The following GKAP1 variants were observed in gnomAD, a reference collection of about 807,000 sequenced individuals.
The protein encoded by GKAP1 is G kinase anchoring protein 1, also known as G kinase-anchoring protein 1.
In GKAP1, 31 loss-of-function variants were observed where a neutral mutation model predicts 56.7. The observed-to-expected ratio is 0.55, with a 90% CI of 0.41 to 0.74. The LOEUF (loss-of-function observed/expected upper bound fraction) is 0.74. Among genes scored for constraint, GKAP1 ranks in the 30% least tolerant of loss-of-function variants. The pLI, the probability that GKAP1 is intolerant of heterozygous loss-of-function variation, is 0.00. For synonymous variants in GKAP1, 151 were observed against 138.6 expected (o/e 1.09, Z -0.63); for missense variants, 364 against 402.3 (o/e 0.90, Z 0.82).
At position 83,801,676 on chromosome 9, in the gene GKAP1, G is replaced by A. The variant is rs561180157; in HGVS notation, c.217-2348C>T. On this transcript the variant is annotated intron_variant, in intron 3 of 12. Coordinates refer to ENST00000376371, the MANE Select transcript of GKAP1 (RefSeq NM_025211.4). Reference sequence around the variant, plus strand: ...AAGGCTTATAGAACTGCAAATGGCTGAAGTGGAAAGGGTGGATCCTTCACA... The same window carrying A: ...AAGGCTTATAGAACTGCAAATGGCTAAAGTGGAAAGGGTGGATCCTTCACA... 5.9e-5 allele frequency among the ~76,000 whole-genome samples: 9 copies of A among 152,300 alleles called. No homozygotes were observed. The South Asian group carries it at 1.9e-3, about 32-fold the overall frequency.
At chr9:83,780,261 A>T (rs951525185) in intron 7 of GKAP1, 121 bp downstream of exon 7, 1 of 616,034 alleles carries the variant, frequency 1.6e-6, no homozygotes, top group South Asian at 2.2e-5. Context: ...GGTTCACTCA[A>T]GACAAACCTA....
At chr9:83,779,533 G>T (rs1943928695) in intron 7 of GKAP1, among the ~76,000 whole-genome samples, 1 of 111,946 alleles carries the variant, frequency 8.9e-6, no homozygotes, top group Non-Finnish European at 1.8e-5. Flanking sequence ...ACGTGTATAT[G>T]TGTATATATA....
intron 8 of GKAP1, among the ~76,000 whole-genome samples, chr9:83,765,680 G>T (rs559981275): frequency 6.6e-6 from 1 of 152,108 alleles, no homozygotes; most frequent in African/African-American, 2.4e-5. Flanking sequence ...AGATCATTTC[G>T]GAACTTTAAG....
In GKAP1 at chr9:83,769,296, T is replaced by C. The variant is rs180850633; in HGVS notation, c.586-326A>G. Among the ~76,000 whole-genome samples, 99 of 152,310 alleles carry C rather than the reference T, an allele frequency of 6.5e-4. 1 individual carries two copies. Among genetic ancestry groups the C allele is most frequent in the Non-Finnish European group, 1.1e-3 (75 of 68,028 alleles). On this transcript the variant is annotated intron_variant, in intron 7 of 12. Transcript: ENST00000376371. ...TGTACAAGACACTGGTTTTTTAATA[T>C]ATTCACAGAGTTGTACAACCATCAC... is the stretch of plus-strand genomic sequence containing the variant.
At chr9:83,810,292 A>T (rs557494491) in intron 2 of GKAP1, among the ~76,000 whole-genome samples, 3 of 152,340 alleles carry the variant, frequency 2.0e-5, no homozygotes, top group Admixed American at 6.5e-5. Flanking sequence ...CTAAGAAATC[A>T]TTATTTAAAA....
rs560112920 is a variant in GKAP1 at position 83,808,586 on chromosome 9, A to G, written c.-43-2026T>C. ...ACTCCAGCCTGAGCAACGGAGTCAG[A>G]CTCTCTCTCAAAAAAAAATAATAAT... is the stretch of plus-strand genomic sequence containing the variant. On this transcript the variant is annotated intron_variant, in intron 2 of 12. Transcript: ENST00000376371. Among the ~76,000 whole-genome samples the G allele has an allele frequency of 2.0e-5, 3 of 151,968 alleles. No homozygotes were observed. In the South Asian group the frequency reaches 6.2e-4, roughly 32 times the overall value.
chr9:83,754,418 G>A lies in GKAP1; in HGVS notation c.739-1059C>T, dbSNP rs539697577. Among the ~76,000 whole-genome samples, 3 of 152,320 alleles carry A rather than the reference G, an allele frequency of 2.0e-5. No individual in the cohort carries two copies. The East Asian group carries it at 5.8e-4, about 29-fold the overall frequency. The stretch of plus-strand genomic sequence containing the variant: ...ATGTAGTACTCTACAAATACTCACT[G>A]AGCATCTAACTTCTAGGAGCTGAGT... On this transcript the variant is annotated intron_variant, in intron 8 of 12. Coordinates refer to ENST00000376371, the MANE Select transcript of GKAP1 (RefSeq NM_025211.4).
At chr9:83,806,925 A>G (rs1165477157) in intron 2 of GKAP1, among the ~76,000 whole-genome samples, 1 of 152,194 alleles carries the variant, frequency 6.6e-6, no homozygotes, top group Non-Finnish European at 1.5e-5. Flanking sequence ...ATACACAAAA[A>G]AAAGACCTTT....
intron 4 of GKAP1, among the ~76,000 whole-genome samples, chr9:83,792,595 G>A (rs1944179424): frequency 6.6e-6 from 1 of 152,138 alleles, no homozygotes; most frequent in South Asian, 2.1e-4. Context: ...ATAACAGGGA[G>A]AATGGTAGCA....
chr9:83,745,404 T>C (rs1459235697), intron 10 of GKAP1, among the ~76,000 whole-genome samples: 1 of 152,180 alleles, frequency 6.6e-6, no homozygotes, highest in African/African-American at 2.4e-5. Context: ...TGACCATATT[T>C]ACATTTACAT....
At chr9:83,813,909 A>G (rs1339613297) in intron 2 of GKAP1, among the ~76,000 whole-genome samples, 1 of 152,134 alleles carries the variant, frequency 6.6e-6, no homozygotes, top group African/African-American at 2.4e-5. Context: ...AAGATCAGCT[A>G]GGGAAACATG....
intron 12 of GKAP1, among the ~76,000 whole-genome samples, chr9:83,740,060 C>T (rs1587681813): frequency 6.6e-6 from 1 of 152,140 alleles, no homozygotes; most frequent in South Asian, 2.1e-4. Flanking sequence ...TTGATCAATA[C>T]TAAAATAAAC....
chr9:83,758,103 A>G (rs1943507000), intron 8 of GKAP1, among the ~76,000 whole-genome samples: 1 of 152,180 alleles, frequency 6.6e-6, no homozygotes, highest in African/African-American at 2.4e-5. Flanking sequence ...AGTTGTGGAG[A>G]AATTAGTAAT....
At chr9:83,783,953 C>T (rs559489763) in intron 6 of GKAP1, among the ~76,000 whole-genome samples, 5 of 152,226 alleles carry the variant, frequency 3.3e-5, no homozygotes, top group African/African-American at 9.6e-5. Flanking sequence ...AGTTTTGTCC[C>T]TTCCAAAACT....
At chr9:83,796,117 A>T (rs866824041) in intron 4 of GKAP1, among the ~76,000 whole-genome samples, 1 of 151,908 alleles carries the variant, frequency 6.6e-6, no homozygotes, top group Non-Finnish European at 1.5e-5. Context: ...CTTTTTTTAG[A>T]GCTAGGGTCT....
intron 3 of GKAP1, among the ~76,000 whole-genome samples, 200 bp downstream of exon 3, chr9:83,806,102 G>C (rs530947687): frequency 2.0e-5 from 3 of 151,144 alleles, no homozygotes; most frequent in Non-Finnish European, 2.9e-5. Flanking sequence ...AGGTGACAGA[G>C]TGAGACCCTG....
intron 7 of GKAP1, among the ~76,000 whole-genome samples, chr9:83,773,528 TA>T (rs910067927): frequency 1.5e-4 from 23 of 149,094 alleles, no homozygotes; most frequent in East Asian, 3.9e-4. Flanking sequence ...TACAGCTGTT[TA>T]AAAAAAAAAC....
chr9:83,812,345 G>GTA lies in GKAP1; in HGVS notation c.-44+4649_-44+4650dup, dbSNP rs763701413. On this transcript the variant is annotated intron_variant, in intron 2 of 12. Transcript: ENST00000376371. ...TATATACACACGTATATATATACAC[G>GTA]TATATATATATATATTTTTTTTTAG... Among the ~76,000 whole-genome samples, 396 of 143,530 alleles carry GTA rather than the reference G, an allele frequency of 2.8e-3. 2 individuals carry two copies. The highest frequency in any genetic ancestry group is 0.015 in the East Asian group (76 of 4,966). The allele number at this position is 143,530 out of a possible 152,430, so 94.2% of individuals were successfully genotyped here.
intron 2 of GKAP1, among the ~76,000 whole-genome samples, chr9:83,810,713 T>C (rs564626101): frequency 6.6e-6 from 1 of 152,326 alleles, no homozygotes; most frequent in African/African-American, 2.4e-5. Flanking sequence ...TTGATCTCTC[T>C]TGAGTTGTTG....
Sources: allele counts gnomAD v4.1 joint callset (sites outside exome capture counted in the v4.1 genomes callset), GRCh38; gene constraint gnomAD v4.1.1; transcripts MANE v1.5; gene names NCBI Gene and HGNC (gene_info 2026-07-23, HGNC 2026-07-21).